The following RD3 variants were observed in gnomAD, a reference collection of about 807,000 sequenced individuals.
RD3 encodes protein RD3.
In RD3, 11 loss-of-function variants were observed where a neutral mutation model predicts 16.9. The ratio of observed to expected loss-of-function variants is 0.65; its 90% CI spans 0.41 to 1.08. The LOEUF is 1.08. RD3 is among the 50% of genes least tolerant of loss of function. The probability of loss-of-function intolerance (pLI) is 0.00; values close to 1 mark genes in which losing one functional copy is unlikely to be tolerated. For synonymous variants in RD3, 116 were observed against 114.8 expected, an observed-to-expected ratio of 1.01 and a Z score of -0.07; for missense variants, 274 against 267.4, an observed-to-expected ratio of 1.02 and a Z score of -0.17.
rs2102367724 is a variant in RD3, at chr1:211,481,168, T to A, written c.248A>T (p.Asp83Val). The change falls in exon 2 of 3, where the codon GAT (aspartate) becomes GTT (valine). Residue 83 changes from aspartate (D) to valine (V), a missense_variant. By Grantham distance (152) the Asp-to-Val change is radical. Transcript: ENST00000680073. ...GGATGGGTGGATCTTAACGCAGACA[T>A]CTTCCAGCTGCAACCGCTCAATGGG... is the stretch of plus-strand genomic sequence containing the variant. ...LSPIERLQLEDVCVKIHPSYC... is the reference protein window; with the variant it reads ...LSPIERLQLEVVCVKIHPSYC... The A allele has an allele frequency of 1.2e-6, 2 of 1,614,264 alleles. No homozygotes were observed.
At chr1:211,483,022 G>T (rs1444618708) in intron 1 of RD3, among the ~76,000 whole-genome samples, 1 of 151,958 alleles carries the variant, frequency 6.6e-6, no homozygotes, top group African/African-American at 2.4e-5. Flanking sequence ...TTAATGCAGA[G>T]AAATGAATTG....
chr1:211,479,885 C>G (rs567674781), intron 2 of RD3, among the ~76,000 whole-genome samples: 1 of 152,322 alleles, frequency 6.6e-6, no homozygotes, highest in Non-Finnish European at 1.5e-5. Context: ...CCAGCTTCTC[C>G]CAAGGCCCTG....
intron 1 of RD3, among the ~76,000 whole-genome samples, chr1:211,487,756 G>A (rs778242660): frequency 7.9e-5 from 12 of 152,328 alleles, no homozygotes; most frequent in East Asian, 1.9e-4. Flanking sequence ...GCACAGTGGC[G>A]TGTGCGGGGA....
chr1:211,483,239 C>A (rs1383205061), intron 1 of RD3, among the ~76,000 whole-genome samples: 1 of 151,766 alleles, frequency 6.6e-6, no homozygotes, highest in African/African-American at 2.4e-5. Context: ...AGGAGGGCAG[C>A]TCACTTGAAG....
At chr1:211,479,474 C>G (rs962401571) in intron 2 of RD3, 147 bp from the exon 3 acceptor site, 2 of 716,930 alleles carry the variant, frequency 2.8e-6, no homozygotes, top group African/African-American at 3.6e-5. Context: ...GGAACCACCC[C>G]ACGCTGCTAC....
intron 1 of RD3, among the ~76,000 whole-genome samples, chr1:211,489,805 G>T (rs1317142536): frequency 6.6e-6 from 1 of 152,074 alleles, no homozygotes; most frequent in Non-Finnish European, 1.5e-5. Context: ...GGAGAGCTGA[G>T]CCTCCCTGTT....
intron 1 of RD3, among the ~76,000 whole-genome samples, chr1:211,488,956 G>A (rs914493499): frequency 1.3e-5 from 2 of 152,168 alleles, no homozygotes; most frequent in African/African-American, 4.8e-5. Flanking sequence ...CAGCTCAGGT[G>A]GAGCAGGCTG....
chr1:211,479,044 C>T lies in RD3; in HGVS notation c.580G>A (p.Ala194Thr), dbSNP rs1705206697. 1 of 1,599,212 alleles carries T rather than the reference C, an allele frequency of 6.3e-7. No individual in the cohort carries two copies. The highest frequency in any genetic ancestry group is 8.5e-7 in the Non-Finnish European group (1 of 1,174,564). Reference protein sequence around the residue: ...WSMPEFRAPKAD With the variant: ...WSMPEFRAPKTD Reference sequence around the variant, plus strand: ...CAGGGAAGCGGCCGGGGTCAGTCGGCTTTGGGCGCCCGGAATTCGGGCATG... The same window carrying T: ...CAGGGAAGCGGCCGGGGTCAGTCGGTTTTGGGCGCCCGGAATTCGGGCATG... The change falls in exon 3 of 3, where the codon GCC (alanine) becomes ACC (threonine). Residue 194 changes from alanine (A) to threonine (T), a missense_variant. Transcript: ENST00000680073.
chr1:211,490,287 C>T (rs890323464), intron 1 of RD3, among the ~76,000 whole-genome samples: 6 of 152,240 alleles, frequency 3.9e-5, no homozygotes, highest in Admixed American at 1.3e-4. Context: ...TGAGGCCCTG[C>T]GCCGGCCCCA....
At chr1:211,483,571 C>T (rs1705318430) in intron 1 of RD3, among the ~76,000 whole-genome samples, 1 of 151,846 alleles carries the variant, frequency 6.6e-6, no homozygotes, top group Admixed American at 6.5e-5. Flanking sequence ...GACGAAAGGA[C>T]GAACCATTAG....
chr1:211,481,395 A>T lies in RD3; in HGVS notation c.21T>A (p.Leu7=). 1 of 1,613,060 alleles carries T rather than the reference A, an allele frequency of 6.2e-7. No homozygotes were observed. Among genetic ancestry groups the T allele is most frequent in the Non-Finnish European group, 8.5e-7 (1 of 1,180,040 alleles). The change falls in exon 2 of 3, where the codon CTT becomes CTA. Residue 7 remains leucine (L), a synonymous_variant. Coordinates refer to ENST00000680073, the MANE Select transcript of RD3 (RefSeq NM_001164688.2). MSLISW[L]RWNEAPSRLS... The stretch of plus-strand genomic sequence containing the variant: ...GCCGGGATGGGGCCTCGTTCCACCG[A>T]AGCCATGAGATGAGAGACATAGCCC...
chr1:211,490,725 C>T (rs949762867), intron 1 of RD3, among the ~76,000 whole-genome samples: 1 of 152,186 alleles, frequency 6.6e-6, no homozygotes, highest in Admixed American at 6.5e-5. Context: ...ATGAGCGGGC[C>T]TGACCTGTGG....
rs1705204817 is a variant in RD3 at position 211,478,979 on chromosome 1, C to G, written c.*57G>C. On this transcript the variant is annotated 3_prime_UTR_variant, in exon 3 of 3. Coordinates refer to ENST00000680073, the MANE Select transcript of RD3 (RefSeq NM_001164688.2). ...GTTCCAGGGCCCGGCGCTCCGGTCA[C>G]CGGCCTATCATTCCCCCTGCAGAAG... 6.7e-6 allele frequency: 10 copies of G among 1,484,358 alleles called. No individual in the cohort carries two copies. In the East Asian group the frequency reaches 1.9e-4, roughly 29 times the overall value. 91.9% of individuals were successfully genotyped at this position (1,484,358 alleles called of 1,614,324 possible). A position where few individuals can be genotyped will look rare whatever the true frequency, so the allele number is the denominator to read the frequency against.
In RD3 at chr1:211,477,847, C is replaced by T. The variant is rs1705176329; in HGVS notation, c.*1189G>A. On this transcript the variant is annotated 3_prime_UTR_variant, in exon 3 of 3. Coordinates refer to ENST00000680073, the MANE Select transcript of RD3 (RefSeq NM_001164688.2). Reference sequence around the variant, plus strand: ...GAGGGTAGACACTTCCCCACCCATCCCCCTTACACCCCACTTCAACCCCAG... The same window carrying T: ...GAGGGTAGACACTTCCCCACCCATCTCCCTTACACCCCACTTCAACCCCAG... The T allele has an allele frequency of 2.7e-6, 1 of 374,002 alleles. No individual in the cohort carries two copies. Among genetic ancestry groups the T allele is most frequent in the Middle Eastern group, 6.7e-4 (1 of 1,498 alleles). The allele number at this position is 374,002 out of a possible 1,614,324, so 23.2% of individuals were successfully genotyped here. A position where few individuals can be genotyped will look rare whatever the true frequency, so the allele number is the denominator to read the frequency against.
chr1:211,489,574 T>C lies in RD3; in HGVS notation c.-12+2194A>G, dbSNP rs1372476209. Among the ~76,000 whole-genome samples, 4 of 98,942 alleles carry C rather than the reference T, an allele frequency of 4.0e-5. No individual in the cohort carries two copies. In the East Asian group the frequency reaches 9.4e-4, roughly 23 times the overall value. 64.9% of individuals were successfully genotyped at this position (98,942 alleles called of 152,430 possible). A position where few individuals can be genotyped will look rare whatever the true frequency, so the allele number is the denominator to read the frequency against. ...TATATCATAAATCATTTTTTCTTTC[T>C]TTTTTTTTTTTTTGATAGCTGCATT... is the stretch of plus-strand genomic sequence containing the variant. On this transcript the variant is annotated intron_variant, in intron 1 of 2. Transcript: ENST00000680073.
intron 1 of RD3, among the ~76,000 whole-genome samples, chr1:211,487,762 G>A (rs544576801): frequency 3.2e-4 from 48 of 152,310 alleles, no homozygotes; most frequent in East Asian, 1.5e-3. Context: ...TGGCGTGTGC[G>A]GGGAGGGCCT....
chr1:211,490,130 A>G (rs1473553753), intron 1 of RD3, among the ~76,000 whole-genome samples: 1 of 152,216 alleles, frequency 6.6e-6, no homozygotes, highest in Admixed American at 6.5e-5. Flanking sequence ...CTCAAGGGCA[A>G]GAGGAGTCTC....
At chr1:211,491,155 GC>G (rs1705482274) in intron 1 of RD3, among the ~76,000 whole-genome samples, 1 of 152,082 alleles carries the variant, frequency 6.6e-6, no homozygotes, top group Non-Finnish European at 1.5e-5. Flanking sequence ...TTCCTTCTAG[GC>G]CCGATCTCCC....
intron 1 of RD3, among the ~76,000 whole-genome samples, chr1:211,488,947 A>C (rs1455563876): frequency 6.6e-6 from 1 of 152,108 alleles, no homozygotes; most frequent in Non-Finnish European, 1.5e-5. Flanking sequence ...CTTGATCACC[A>C]GCTCAGGTGG....
Sources: allele counts gnomAD v4.1 joint callset (sites outside exome capture counted in the v4.1 genomes callset), GRCh38; gene constraint gnomAD v4.1.1; transcripts MANE v1.5; gene names NCBI Gene and HGNC (gene_info 2026-07-23, HGNC 2026-07-21).